Variants in PDS5A observed in about 807,000 individuals in gnomAD.
The protein encoded by PDS5A is PDS5 cohesin associated factor A.
PDS5A carries 42 observed loss-of-function variants against 167.1 expected under a neutral mutation model. That is an observed-to-expected ratio of 0.25 (90% CI 0.20 to 0.33). The LOEUF (loss-of-function observed/expected upper bound fraction) is 0.33. Ranked by LOEUF, PDS5A falls within the 10% of genes least tolerant of loss-of-function variation. The pLI, the probability that PDS5A is intolerant of heterozygous loss-of-function variation, is 1.00. For synonymous variants in PDS5A, 553 were observed against 554.6 expected (o/e 1.00, Z 0.04); for missense variants, 1,033 against 1,605.9 (o/e 0.64, Z 6.10).
chr4:39,861,985 T>C (rs1246003716), intron 26 of PDS5A, among the ~76,000 whole-genome samples: 3 of 152,046 alleles, frequency 2.0e-5, no homozygotes, highest in Non-Finnish European at 4.4e-5. Context: ...ACTAACCTAT[T>C]TCAAAGACTT....
At chr4:39,911,560 C>T (rs897826214) in intron 9 of PDS5A, among the ~76,000 whole-genome samples, 2 of 151,804 alleles carry the variant, frequency 1.3e-5, no homozygotes, top group African/African-American at 2.4e-5. Context: ...TGGCCGGGCG[C>T]GGTGGCTCAC....
At chr4:39,926,716 G>A in intron 4 of PDS5A, 59 bp downstream of exon 4, 1 of 1,132,994 alleles carries the variant, frequency 8.8e-7, no homozygotes, top group Non-Finnish European at 1.2e-6. Flanking sequence ...AAGTTAACAT[G>A]AAGAATTTGC....
At chr4:39,919,549 G>C (rs978918678) in intron 7 of PDS5A, among the ~76,000 whole-genome samples, 2 of 152,150 alleles carry the variant, frequency 1.3e-5, no homozygotes, top group African/African-American at 2.4e-5. Context: ...GGAGGCTGAG[G>C]CAGCAGAATG....
chr4:39,955,807 A>G (rs1483738990), intron 2 of PDS5A, among the ~76,000 whole-genome samples: 2 of 151,942 alleles, frequency 1.3e-5, no homozygotes, highest in Non-Finnish European at 2.9e-5. Flanking sequence ...TAAAAAAAAA[A>G]GTCTGTTTAA....
chr4:39,940,035 A>C (rs1484245000), intron 2 of PDS5A, among the ~76,000 whole-genome samples: 2 of 152,136 alleles, frequency 1.3e-5, no homozygotes, highest in East Asian at 3.8e-4. Context: ...AGGCAGGAGA[A>C]TCACTTGAAG....
At chr4:39,845,769 G>T in intron 29 of PDS5A, 49 bp downstream of exon 29, 1 of 1,357,866 alleles carries the variant, frequency 7.4e-7, no homozygotes, top group Non-Finnish European at 9.6e-7. Context: ...AATAGCAGAA[G>T]CAAGATACAC....
intron 2 of PDS5A, among the ~76,000 whole-genome samples, chr4:39,958,506 CAAAAA>C (rs370128527): frequency 1.2e-5 from 1 of 80,420 alleles, no homozygotes; most frequent in Non-Finnish European, 2.6e-5. Context: ...AACTGTGTCT[CAAAAA>C]AAAAAAAAAA....
At chr4:39,831,870 C>T (rs1236583965) in intron 32 of PDS5A, among the ~76,000 whole-genome samples, 1 of 56,032 alleles carries the variant, frequency 1.8e-5, no homozygotes. Flanking sequence ...GAGCGAAACT[C>T]GTCTCAAAAA....
Position 39,867,117 on chromosome 4 carries a change from G to A in PDS5A, c.2506-120C>T, listed in dbSNP as rs951182907. The A allele has an allele frequency of 4.0e-6, 3 of 746,010 alleles. No homozygotes were observed. The African/African-American group carries it at 5.3e-5, about 13-fold the overall frequency. 46.2% of individuals were successfully genotyped at this position (746,010 alleles called of 1,614,324 possible). ...CATCAGCAGACATTTTATTAAATAAGTCTATGGGATAATAACAGCAACAAT... is the reference window on the plus strand; with the variant it reads ...CATCAGCAGACATTTTATTAAATAAATCTATGGGATAATAACAGCAACAAT... On this transcript the variant is annotated intron_variant, in intron 22 of 32. Transcript: ENST00000303538.
intron 26 of PDS5A, among the ~76,000 whole-genome samples, chr4:39,851,013 AGTTT>A (rs1718076667): frequency 6.6e-6 from 1 of 152,192 alleles, no homozygotes. Context: ...AGCATGCATT[AGTTT>A]TTTAGCTTAA....
At chr4:39,861,843 C>G (rs966435226) in intron 26 of PDS5A, among the ~76,000 whole-genome samples, 7 of 152,092 alleles carry the variant, frequency 4.6e-5, no homozygotes, top group African/African-American at 1.7e-4. Flanking sequence ...CTAGAGAGAA[C>G]AAAGAATAAA....
chr4:39,977,156 C>T lies in PDS5A; in HGVS notation c.-41+301G>A, dbSNP rs1477053157. ...GTCCCCGCCGCGCTGCCACCCCTCC[C>T]CTGTTCCGCTCCCTCACCCCCGCGG... is the stretch of plus-strand genomic sequence containing the variant. On this transcript the variant is annotated intron_variant, in intron 1 of 32. Coordinates refer to ENST00000303538, the MANE Select transcript of PDS5A (RefSeq NM_001100399.2). This position sits in a 1 kb window ranked among gnomAD's most constrained non-coding sequence, Gnocchi z 4.2. Among the ~76,000 whole-genome samples, 3 of 152,162 alleles carry T rather than the reference C, an allele frequency of 2.0e-5. No homozygotes were observed. The highest frequency in any genetic ancestry group is 4.4e-5 in the Non-Finnish European group (3 of 67,990).
Position 39,930,528 on chromosome 4 carries a change from G to A in PDS5A, c.139-2364C>T, listed in dbSNP as rs116273608. On this transcript the variant is annotated intron_variant, in intron 2 of 32. Coordinates refer to ENST00000303538, the MANE Select transcript of PDS5A (RefSeq NM_001100399.2). ...AATTTTACTATTTTAGTCCAAGTTT[G>A]CATTGCTAAAATAAAGACAACTTGG... Among the ~76,000 whole-genome samples, 1,020 of 151,926 alleles carry A rather than the reference G, an allele frequency of 6.7e-3. 9 individuals carry two copies. The highest frequency in any genetic ancestry group is 0.01 in the Non-Finnish European group (713 of 67,950).
chr4:39,937,251 C>T (rs1726706721), intron 2 of PDS5A, among the ~76,000 whole-genome samples: 1 of 152,188 alleles, frequency 6.6e-6, no homozygotes, highest in East Asian at 1.9e-4. Context: ...GCCTCATTAG[C>T]GTAACAAAGA....
intron 17 of PDS5A, among the ~76,000 whole-genome samples, chr4:39,882,673 G>C (rs1302232241): frequency 6.6e-6 from 1 of 152,194 alleles, no homozygotes; most frequent in African/African-American, 2.4e-5. Context: ...TATGAAATGA[G>C]AGACATAATC....
At chr4:39,866,352 C>T (rs1311587570) in intron 23 of PDS5A, among the ~76,000 whole-genome samples, 2 of 152,050 alleles carry the variant, frequency 1.3e-5, no homozygotes, top group Admixed American at 6.6e-5. Flanking sequence ...CTCCTGACCT[C>T]GTGATCTGCC....
intron 8 of PDS5A, among the ~76,000 whole-genome samples, chr4:39,916,019 G>A (rs929989519): frequency 2.6e-5 from 4 of 152,016 alleles, no homozygotes; most frequent in Non-Finnish European, 5.9e-5. Flanking sequence ...AATTGCATTA[G>A]GCCAGGAATT....
intron 2 of PDS5A, among the ~76,000 whole-genome samples, chr4:39,963,532 A>G (rs1729695704): frequency 1.3e-5 from 2 of 152,134 alleles, no homozygotes; most frequent in South Asian, 4.1e-4. Context: ...TAATAAAGCA[A>G]GGATTACATT....
At chr4:39,872,236 G>A (rs916953707) in intron 21 of PDS5A, among the ~76,000 whole-genome samples, 1 of 135,972 alleles carries the variant, frequency 7.4e-6, no homozygotes, top group Non-Finnish European at 1.5e-5. Context: ...GAGTGCAACT[G>A]TGCAATCATG....
Sources: gnomAD v4.1 joint callset for allele counts (sites outside exome capture counted in the v4.1 genomes callset) on GRCh38, gnomAD v4.1.1 for gene constraint, Gnocchi (gnomAD v3.1) non-coding constraint, MANE v1.5 for transcripts, NCBI Gene and HGNC (gene_info 2026-07-23, HGNC 2026-07-21) for gene names.